Variants in CDK19 observed in about 807,000 individuals in gnomAD.
CDK19 encodes the protein cyclin-dependent kinase 19.
Under a neutral mutation model 68.3 loss-of-function variants are expected in CDK19, and 20 were observed. The observed-to-expected ratio is 0.29, with a 90% CI of 0.21 to 0.43. The LOEUF (loss-of-function observed/expected upper bound fraction) is 0.43, where lower values mean the gene tolerates loss of function less well. Ranked by LOEUF, CDK19 falls within the 20% of genes least tolerant of loss-of-function variation. The pLI is 1.00. For missense variants in CDK19, 339 were observed against 623.5 expected, an observed-to-expected ratio of 0.54 and a Z score of 4.86; for synonymous variants, 221 against 222.8, an observed-to-expected ratio of 0.99 and a Z score of 0.07.
At chr6:110,674,179 A>C (rs186708445) in intron 2 of CDK19, among the ~76,000 whole-genome samples, 87 of 152,280 alleles carry the variant, frequency 5.7e-4, no homozygotes, top group Non-Finnish European at 9.9e-4. Context: ...TAAGATGGCA[A>C]ACTTAATCTA....
intron 1 of CDK19, among the ~76,000 whole-genome samples, chr6:110,780,309 G>C (rs537138836): frequency 1.3e-5 from 2 of 148,898 alleles, no homozygotes; most frequent in African/African-American, 4.9e-5. Flanking sequence ...AGAATCACTT[G>C]AACCTGGGAG....
chr6:110,618,768 C>T (rs1275882939), intron 12 of CDK19, among the ~76,000 whole-genome samples: 3 of 152,112 alleles, frequency 2.0e-5, no homozygotes, highest in Non-Finnish European at 4.4e-5. Flanking sequence ...CACATAGCTC[C>T]CTCCCGCAAG....
intron 12 of CDK19, among the ~76,000 whole-genome samples, chr6:110,619,207 A>C (rs1355899563): frequency 6.6e-6 from 1 of 152,208 alleles, no homozygotes; most frequent in African/African-American, 2.4e-5. Flanking sequence ...GTTTATTTTT[A>C]AGTCAACAGA....
intron 1 of CDK19, among the ~76,000 whole-genome samples, chr6:110,791,382 A>T (rs1325860444): frequency 6.6e-6 from 1 of 152,112 alleles, no homozygotes; most frequent in Non-Finnish European, 1.5e-5. Flanking sequence ...TAAAGATATT[A>T]TTGATGGAAG....
At chr6:110,699,272 A>C in intron 2 of CDK19, among the ~76,000 whole-genome samples, 1 of 151,956 alleles carries the variant, frequency 6.6e-6, no homozygotes, top group Non-Finnish European at 1.5e-5. Flanking sequence ...TAAAAATACA[A>C]AAATTAGCTG....
chr6:110,768,624 C>A (rs1024531071), intron 1 of CDK19, among the ~76,000 whole-genome samples: 1 of 151,918 alleles, frequency 6.6e-6, no homozygotes, highest in African/African-American at 2.4e-5. Flanking sequence ...GTGCAAGAAG[C>A]CAACCTGAAA....
chr6:110,628,671 A>G (rs1400719925), intron 6 of CDK19, among the ~76,000 whole-genome samples: 1 of 152,228 alleles, frequency 6.6e-6, no homozygotes, highest in African/African-American at 2.4e-5. Context: ...CCAGCAGATA[A>G]GTGGGGACTA....
intron 2 of CDK19, among the ~76,000 whole-genome samples, chr6:110,695,869 C>T (rs984282658): frequency 1.3e-5 from 2 of 150,726 alleles, no homozygotes; most frequent in Non-Finnish European, 3.0e-5. Flanking sequence ...AAACTACCAA[C>T]AAAAAAAGTC....
Position 110,610,216 on chromosome 6 carries a change from A to G in CDK19, c.*4319T>C, listed in dbSNP as rs1777950239. 1 of 152,520 alleles carries G rather than the reference A, an allele frequency of 6.6e-6. No individual in the cohort carries two copies. The allele number at this position is 152,520 out of a possible 1,614,324, so 9.4% of individuals were successfully genotyped here. On this transcript the variant is annotated 3_prime_UTR_variant, in exon 13 of 13. Transcript: ENST00000368911. ...TACAGTCATCTCTATAACCATATAA[A>G]GGGGGATGCGTGCAGAAAATGACTG...
intron 3 of CDK19, among the ~76,000 whole-genome samples, chr6:110,668,529 T>C (rs532817133): frequency 8.5e-5 from 13 of 152,256 alleles, no homozygotes; most frequent in Non-Finnish European, 1.8e-4. Context: ...TTTCCACTTT[T>C]TAACAGCTAC....
At chr6:110,803,223 G>A (rs941383059) in intron 1 of CDK19, among the ~76,000 whole-genome samples, 6 of 152,126 alleles carry the variant, frequency 3.9e-5, no homozygotes, top group African/African-American at 1.4e-4. Context: ...GGGACTACAG[G>A]AGCCTGCCAC....
intron 4 of CDK19, among the ~76,000 whole-genome samples, chr6:110,641,703 G>A (rs1026431179): frequency 3.4e-4 from 48 of 140,058 alleles, no homozygotes; most frequent in African/African-American, 1.3e-3. Context: ...AAGGCAGAGG[G>A]CAGATTATGA....
At chr6:110,732,120 G>A (rs1437441014) in intron 2 of CDK19, among the ~76,000 whole-genome samples, 1 of 149,200 alleles carries the variant, frequency 6.7e-6, no homozygotes, top group Non-Finnish European at 1.5e-5. Flanking sequence ...AGCTAACAGA[G>A]AAATCATCAC....
chr6:110,722,951 C>G (rs543681742), intron 2 of CDK19, among the ~76,000 whole-genome samples: 23 of 152,074 alleles, frequency 1.5e-4, no homozygotes, highest in Non-Finnish European at 2.4e-4. Flanking sequence ...AACTATTTAA[C>G]TATTGTGACA....
intron 2 of CDK19, among the ~76,000 whole-genome samples, chr6:110,739,769 T>A (rs1777513413): frequency 6.6e-6 from 1 of 151,512 alleles, no homozygotes; most frequent in Non-Finnish European, 1.5e-5. Flanking sequence ...TAGCTAGGAC[T>A]ACAGGTGAGT....
At chr6:110,709,517 AAAAAG>A (rs1391779188) in intron 2 of CDK19, among the ~76,000 whole-genome samples, 3 of 152,130 alleles carry the variant, frequency 2.0e-5, no homozygotes, top group Non-Finnish European at 2.9e-5. Context: ...AAAAAAAAAA[AAAAAG>A]AAAGGTTTGC....
At chr6:110,705,025 AGGTGTG>A (rs1774325092) in intron 2 of CDK19, among the ~76,000 whole-genome samples, 1 of 150,560 alleles carries the variant, frequency 6.6e-6, no homozygotes, top group Non-Finnish European at 1.5e-5. Context: ...TACAGGTTTA[AGGTGTG>A]AAGAAATGTA....
intron 6 of CDK19, among the ~76,000 whole-genome samples, chr6:110,628,437 T>C (rs553013022): frequency 6.6e-6 from 1 of 152,346 alleles, no homozygotes; most frequent in South Asian, 2.1e-4. Context: ...TTATAAGTTT[T>C]AAATTGTGTA....
chr6:110,797,133 A>G (rs1781993374), intron 1 of CDK19, among the ~76,000 whole-genome samples: 1 of 151,998 alleles, frequency 6.6e-6, no homozygotes, highest in South Asian at 2.1e-4. Flanking sequence ...CGAGGTCAGG[A>G]GTTCAAGATC....
Sources: gnomAD v4.1 joint callset for allele counts (sites outside exome capture counted in the v4.1 genomes callset) on GRCh38, gnomAD v4.1.1 for gene constraint, MANE v1.5 for transcripts, NCBI Gene and HGNC (gene_info 2026-07-23, HGNC 2026-07-21) for gene names.